TRPM3: variants seen among roughly 807,000 people sequenced by gnomAD.
TRPM3 encodes long transient receptor potential channel 3.
A neutral mutation model predicts 181.2 loss-of-function variants in TRPM3; 77 were observed. The ratio of observed to expected loss-of-function variants is 0.42; its 90% CI spans 0.35 to 0.51. TRPM3 has a LOEUF of 0.51. Among genes scored for constraint, TRPM3 ranks in the 20% least tolerant of loss-of-function variants. The pLI, the probability that TRPM3 is intolerant of heterozygous loss-of-function variation, is 0.01. For synonymous variants in TRPM3, 745 were observed against 796.4 expected (o/e 0.94, Z 1.09); for missense variants, 1,759 against 2,196.7 (o/e 0.80, Z 3.98).
At position 70,607,277 on chromosome 9, in the gene TRPM3, C is replaced by T. The variant is rs574849022; in HGVS notation, c.2667+3332G>A. ...GAAAATCTGGTGAGAAATACTCTTA[C>T]AGAGAAAAACACAGCCCAAAGCACA... On this transcript the variant is annotated intron_variant, in intron 19 of 25. Coordinates refer to ENST00000677713, the MANE Select transcript of TRPM3 (RefSeq NM_001366145.2). Among the ~76,000 whole-genome samples the T allele has an allele frequency of 7.9e-5, 12 of 152,292 alleles. No homozygotes were observed. The East Asian group carries it at 2.3e-3, about 29-fold the overall frequency.
chr9:71,200,756 T>C (rs1471260199), intron 1 of TRPM3, among the ~76,000 whole-genome samples: 4 of 152,140 alleles, frequency 2.6e-5, no homozygotes, highest in South Asian at 2.1e-4. Context: ...TTATTTTGAG[T>C]CTATGTGTGT....
At chr9:71,240,409 C>T (rs1294031723) in intron 1 of TRPM3, among the ~76,000 whole-genome samples, 1 of 152,054 alleles carries the variant, frequency 6.6e-6, no homozygotes, top group Admixed American at 6.6e-5. Context: ...CTAGAGTAAG[C>T]AATAAACAAG....
chr9:70,833,791 T>C (rs776186751), intron 5 of TRPM3, among the ~76,000 whole-genome samples: 1 of 152,060 alleles, frequency 6.6e-6, no homozygotes, highest in Admixed American at 6.5e-5. Flanking sequence ...TCTAGAACTG[T>C]ATGTATACAG....
At chr9:71,103,123 G>A (rs2068711673) in intron 1 of TRPM3, among the ~76,000 whole-genome samples, 1 of 152,034 alleles carries the variant, frequency 6.6e-6, no homozygotes, top group Admixed American at 6.5e-5. Context: ...TAAATAAAAT[G>A]GATAGTCACT....
At chr9:71,100,167 A>AAG (rs1224658537) in intron 1 of TRPM3, among the ~76,000 whole-genome samples, 1 of 152,162 alleles carries the variant, frequency 6.6e-6, no homozygotes, top group African/African-American at 2.4e-5. Flanking sequence ...CTCAAATTTT[A>AAG]ACTCCATTGA....
chr9:71,297,484 T>C (rs904844027), intron 1 of TRPM3, among the ~76,000 whole-genome samples: 11 of 152,024 alleles, frequency 7.2e-5, no homozygotes, highest in African/African-American at 9.7e-5. Context: ...AAACTTACAA[T>C]AATGGTGGAA....
intron 1 of TRPM3, among the ~76,000 whole-genome samples, chr9:71,023,588 C>T (rs1474738735): frequency 6.6e-6 from 1 of 152,042 alleles, no homozygotes; most frequent in Non-Finnish European, 1.5e-5. Context: ...ACCCAGATGT[C>T]CTTCAACAGG....
In TRPM3 at chr9:71,076,932, G is replaced by A. The variant is rs147328008; in HGVS notation, c.177+44246C>T. ...CCTTTCTCTAATAACAGTTTCCAGG[G>A]CATACACTTTTTCAAAAACAGGAGA... is the stretch of plus-strand genomic sequence containing the variant. On this transcript the variant is annotated intron_variant, in intron 1 of 25. Transcript: ENST00000677713. Among the ~76,000 whole-genome samples, 365 of 152,234 alleles carry A rather than the reference G, an allele frequency of 2.4e-3. 1 individual carries two copies. The highest frequency in any genetic ancestry group is 5.5e-3 in the Admixed American group (84 of 15,280).
At chr9:71,179,915 C>T (rs899004676) in intron 1 of TRPM3, among the ~76,000 whole-genome samples, 7 of 152,072 alleles carry the variant, frequency 4.6e-5, no homozygotes, top group Non-Finnish European at 8.8e-5. Context: ...ATGGCATTCA[C>T]GTGCCTGAGA....
intron 1 of TRPM3, among the ~76,000 whole-genome samples, chr9:70,873,060 GA>G (rs2095815568): frequency 6.6e-6 from 1 of 151,626 alleles, no homozygotes; most frequent in Non-Finnish European, 1.5e-5. Flanking sequence ...TTGGAGTTGT[GA>G]AAAAATGAGC....
intron 1 of TRPM3, among the ~76,000 whole-genome samples, chr9:71,278,917 C>T (rs1274602917): frequency 6.6e-6 from 1 of 151,852 alleles, no homozygotes; most frequent in East Asian, 1.9e-4. Context: ...AAATAGTCCG[C>T]TACAATGATA....
intron 1 of TRPM3, among the ~76,000 whole-genome samples, chr9:71,430,794 G>C (rs1483295448): frequency 3.9e-5 from 6 of 152,030 alleles, no homozygotes; most frequent in South Asian, 4.2e-4. Context: ...CTGGGTGAGA[G>C]AGCGAGACTC....
chr9:70,614,211 A>C (rs1396276214), intron 18 of TRPM3, among the ~76,000 whole-genome samples: 1 of 150,696 alleles, frequency 6.6e-6, no homozygotes, highest in Non-Finnish European at 1.5e-5. Flanking sequence ...AATGGGGATT[A>C]GGACTGGGTG....
intron 1 of TRPM3, among the ~76,000 whole-genome samples, chr9:71,400,706 T>C (rs1445602501): frequency 1.3e-5 from 2 of 152,088 alleles, no homozygotes; most frequent in Non-Finnish European, 2.9e-5. Flanking sequence ...AGAGGTATAA[T>C]CTACTGCCAA....
intron 1 of TRPM3, among the ~76,000 whole-genome samples, chr9:71,053,366 C>T (rs2060281919): frequency 6.6e-6 from 1 of 152,024 alleles, no homozygotes; most frequent in Non-Finnish European, 1.5e-5. Flanking sequence ...TGTGTTATTT[C>T]AGCTCCATGC....
rs78900801 is a variant in TRPM3 at position 71,355,752 on chromosome 9, G to A, written c.183+90901C>T. The stretch of plus-strand genomic sequence containing the variant: ...TCTCTAACAACCCGCCATGGATGTG[G>A]ATACAGAGCATGAGCTAGGGCAAAA... On this transcript the variant is annotated intron_variant, in intron 1 of 24. Transcript: ENST00000357533. Among the ~76,000 whole-genome samples, 931 of 152,240 alleles carry A rather than the reference G, an allele frequency of 6.1e-3. 13 individuals carry two copies. Among genetic ancestry groups the A allele is most frequent in the African/African-American group, 0.021 (892 of 41,538 alleles).
At chr9:71,115,210 T>C (rs776643211) in intron 1 of TRPM3, among the ~76,000 whole-genome samples, 11 of 148,622 alleles carry the variant, frequency 7.4e-5, no homozygotes, top group Non-Finnish European at 1.5e-4. Flanking sequence ...GCTGAATCTA[T>C]GGCAGCTTTT....
At chr9:70,674,628 T>C (rs2063627022) in intron 9 of TRPM3, among the ~76,000 whole-genome samples, 1 of 151,940 alleles carries the variant, frequency 6.6e-6, no homozygotes, top group Non-Finnish European at 1.5e-5. Context: ...GGTGCAATCA[T>C]GGCTTACTGC....
chr9:70,797,404 A>C (rs907271106), intron 6 of TRPM3, among the ~76,000 whole-genome samples: 2 of 152,124 alleles, frequency 1.3e-5, no homozygotes, highest in African/African-American at 4.8e-5. Flanking sequence ...TCACAATTAC[A>C]GTCTTTCTGT....
Sources: gnomAD v4.1 joint callset for allele counts (sites outside exome capture counted in the v4.1 genomes callset) on GRCh38, gnomAD v4.1.1 for gene constraint, MANE v1.5 for transcripts, NCBI Gene and HGNC (gene_info 2026-07-23, HGNC 2026-07-21) for gene names.